The following FOXO1 variants were observed in gnomAD, a reference collection of about 807,000 sequenced individuals.
FOXO1 encodes the protein forkhead box O1.
FOXO1 carries 6 observed loss-of-function variants against 44.1 expected under a neutral mutation model. The ratio of observed to expected loss-of-function variants is 0.14; its 90% CI spans 0.07 to 0.27. The LOEUF (loss-of-function observed/expected upper bound fraction) is 0.27, where lower values mean the gene tolerates loss of function less well. Among genes scored for constraint, FOXO1 ranks in the 10% least tolerant of loss-of-function variants. FOXO1 has a pLI of 1.00. For missense variants in FOXO1, 737 were observed against 888.8 expected (o/e 0.83, Z 2.17); for synonymous variants, 380 against 362.7 (o/e 1.05, Z -0.54).
intron 1 of FOXO1, among the ~76,000 whole-genome samples, chr13:40,637,378 A>C (rs941415618): frequency 2.3e-5 from 3 of 129,086 alleles, no homozygotes; most frequent in African/African-American, 8.8e-5. Flanking sequence ...CGGGAGGCGG[A>C]GGTTGCAGTG....
intron 1 of FOXO1, among the ~76,000 whole-genome samples, chr13:40,595,261 T>G (rs1875532152): frequency 6.6e-6 from 1 of 152,200 alleles, no homozygotes; most frequent in Admixed American, 6.5e-5. Context: ...TGACACACTT[T>G]GTAAAGAATA....
In FOXO1 at chr13:40,666,263, G is replaced by T; in HGVS notation, c.-51C>A. 1 of 1,330,194 alleles carries T rather than the reference G, an allele frequency of 7.5e-7. No homozygotes were observed. The highest frequency in any genetic ancestry group is 9.6e-7 in the Non-Finnish European group (1 of 1,037,034). 82.4% of individuals were successfully genotyped at this position (1,330,194 alleles called of 1,614,324 possible). ...GCAGGAGAGCCAAGAGGGGGAGAAC[G>T]CAGCACTGGGGGCGGACGGGGAGGG... On this transcript the variant is annotated 5_prime_UTR_variant, in exon 1 of 3. Transcript: ENST00000379561.
intron 1 of FOXO1, among the ~76,000 whole-genome samples, chr13:40,600,057 T>C (rs1875760385): frequency 6.6e-6 from 1 of 151,602 alleles, no homozygotes; most frequent in Non-Finnish European, 1.5e-5. Context: ...GGCAACAGAG[T>C]TGAACTGGAG....
chr13:40,555,936 A>G lies in FOXO1; in HGVS notation c.*3113T>C. ...ATGCAGGAGGCATGACTACGTCCTG[A>G]TGGGACTTACATGGCCACCCCTGGC... On this transcript the variant is annotated 3_prime_UTR_variant, in exon 3 of 3. Transcript: ENST00000379561. 6.5e-6 allele frequency: 1 copy of G among 152,744 alleles called. No individual in the cohort carries two copies. Among genetic ancestry groups the G allele is most frequent in the Non-Finnish European group, 1.5e-5 (1 of 68,046 alleles). 9.5% of individuals were successfully genotyped at this position (152,744 alleles called of 1,614,324 possible).
intron 1 of FOXO1, chr13:40,620,205 AC>A (rs1876562391): frequency 6.4e-7 from 1 of 1,568,382 alleles, no homozygotes; most frequent in East Asian, 2.2e-5. Context: ...CTGTACTACG[AC>A]ATCCAACAAT....
At chr13:40,652,955 A>T (rs1222570187) in intron 1 of FOXO1, among the ~76,000 whole-genome samples, 1 of 149,976 alleles carries the variant, frequency 6.7e-6, no homozygotes, top group African/African-American at 2.5e-5. Flanking sequence ...TAAATTTGAA[A>T]TCTAAGTGCA....
intron 1 of FOXO1, among the ~76,000 whole-genome samples, chr13:40,610,061 C>A (rs771711855): frequency 6.6e-6 from 1 of 152,090 alleles, no homozygotes; most frequent in South Asian, 2.1e-4. Context: ...CTGTATTCGA[C>A]GTAACTGCTT....
At chr13:40,574,821 C>T (rs904492714) in intron 1 of FOXO1, among the ~76,000 whole-genome samples, 3 of 151,914 alleles carry the variant, frequency 2.0e-5, no homozygotes, top group African/African-American at 7.3e-5. Context: ...ACCCTACCAC[C>T]CCCAAAAAGA....
At chr13:40,646,298 T>C (rs1465461217) in intron 1 of FOXO1, among the ~76,000 whole-genome samples, 1 of 151,132 alleles carries the variant, frequency 6.6e-6, no homozygotes, top group East Asian at 1.9e-4. Flanking sequence ...TGACCTTTTT[T>C]TTTTTTTTTT....
intron 1 of FOXO1, among the ~76,000 whole-genome samples, chr13:40,636,890 G>GT (rs1339402383): frequency 6.6e-6 from 1 of 152,164 alleles, no homozygotes; most frequent in African/African-American, 2.4e-5. Context: ...ATAAACTACT[G>GT]TAATTATAAA....
At chr13:40,627,831 TAAA>T (rs1166555605) in intron 1 of FOXO1, among the ~76,000 whole-genome samples, 3 of 125,832 alleles carry the variant, frequency 2.4e-5, no homozygotes, top group Admixed American at 8.1e-5. Context: ...ATACTCCGGC[TAAA>T]AAAAAAAAAA....
intron 1 of FOXO1, among the ~76,000 whole-genome samples, chr13:40,658,551 C>T (rs2137941781): frequency 6.6e-6 from 1 of 152,166 alleles, no homozygotes; most frequent in East Asian, 1.9e-4. Flanking sequence ...GAGTAAGTTA[C>T]CTAAGAAAAT....
chr13:40,607,342 T>C (rs929688381), intron 1 of FOXO1, among the ~76,000 whole-genome samples: 3 of 152,160 alleles, frequency 2.0e-5, no homozygotes, highest in African/African-American at 7.2e-5. Flanking sequence ...ACACTCCCAA[T>C]CCTCTGAAGC....
intron 1 of FOXO1, among the ~76,000 whole-genome samples, chr13:40,606,122 A>G (rs1875988231): frequency 6.6e-6 from 1 of 152,096 alleles, no homozygotes; most frequent in Admixed American, 6.5e-5. Context: ...GCTCAAAATA[A>G]CCTCCACCAC....
chr13:40,623,285 A>G (rs767371617), intron 1 of FOXO1, among the ~76,000 whole-genome samples: 2 of 152,070 alleles, frequency 1.3e-5, no homozygotes, highest in Non-Finnish European at 2.9e-5. Flanking sequence ...TCCAAAAGTG[A>G]CACGGGGGTC....
chr13:40,628,436 G>C (rs1277526395), intron 1 of FOXO1, among the ~76,000 whole-genome samples: 1 of 151,318 alleles, frequency 6.6e-6, no homozygotes, highest in Non-Finnish European at 1.5e-5. Context: ...AACTTGTCTG[G>C]ACAAACCTTG....
intron 1 of FOXO1, among the ~76,000 whole-genome samples, chr13:40,596,018 A>G (rs1176272806): frequency 6.7e-6 from 1 of 149,918 alleles, no homozygotes; most frequent in African/African-American, 2.5e-5. Flanking sequence ...AGTACATGGC[A>G]TGGTTATTTA....
At chr13:40,660,482 T>C (rs1482293172) in intron 1 of FOXO1, among the ~76,000 whole-genome samples, 1 of 152,170 alleles carries the variant, frequency 6.6e-6, no homozygotes, top group East Asian at 1.9e-4. Context: ...AGCTGCTATC[T>C]TAGAAAGCCT....
chr13:40,582,792 C>A (rs1300065120), intron 1 of FOXO1, among the ~76,000 whole-genome samples: 1 of 152,192 alleles, frequency 6.6e-6, no homozygotes, highest in Non-Finnish European at 1.5e-5. Flanking sequence ...AAATCTTGAA[C>A]CCCTCCCAGG....
Sources: allele counts gnomAD v4.1 joint callset (sites outside exome capture counted in the v4.1 genomes callset), GRCh38; gene constraint gnomAD v4.1.1; transcripts MANE v1.5; gene names NCBI Gene and HGNC (gene_info 2026-07-23, HGNC 2026-07-21).